SIL1: variants seen among roughly 807,000 people sequenced by gnomAD.
The protein encoded by SIL1 is nucleotide exchange factor SIL1.
SIL1 carries 40 observed loss-of-function variants against 49.1 expected under a neutral mutation model. That is an observed-to-expected ratio of 0.81 (90% CI 0.63 to 1.06). The LOEUF (loss-of-function observed/expected upper bound fraction) is 1.06, where lower values mean the gene tolerates loss of function less well. SIL1 is among the 50% of genes least tolerant of loss of function. SIL1 has a pLI of 0.00. For missense variants in SIL1, 500 were observed against 572.6 expected (o/e 0.87, Z 1.29); for synonymous variants, 253 against 250.8 (o/e 1.01, Z -0.08).
At chr5:139,062,032 G>A (rs1443675918) in intron 3 of SIL1, among the ~76,000 whole-genome samples, 1 of 152,188 alleles carries the variant, frequency 6.6e-6, no homozygotes, top group Non-Finnish European at 1.5e-5. Context: ...CAGTTGCCAT[G>A]ACTACTAAAG....
At position 138,987,530 on chromosome 5, in the gene SIL1, T is replaced by G. The variant is rs1581008654; in HGVS notation, c.767+33641A>C. Among the ~76,000 whole-genome samples, 4 of 152,366 alleles carry G rather than the reference T, an allele frequency of 2.6e-5. No homozygotes were observed. In the South Asian group the frequency reaches 8.3e-4, roughly 32 times the overall value. On this transcript the variant is annotated intron_variant, in intron 7 of 9. Coordinates refer to ENST00000394817, the MANE Select transcript of SIL1 (RefSeq NM_022464.5). ...ATAGGGCACCATATTCTTTTCAATG[T>G]GTAGGACCTCTAGAAGTTTTCAGCT...
chr5:139,191,935 C>T (rs1057491733), intron 1 of SIL1, among the ~76,000 whole-genome samples: 5 of 151,940 alleles, frequency 3.3e-5, no homozygotes, highest in East Asian at 1.9e-4. Flanking sequence ...ATTAGCCAGG[C>T]GTGGTGGCAG....
chr5:139,011,071 G>A (rs1442587323), intron 7 of SIL1, among the ~76,000 whole-genome samples: 151 of 150,774 alleles, frequency 1.0e-3, no homozygotes, highest in East Asian at 6.1e-3. Flanking sequence ...CCTCGCTGCC[G>A]CCTTGCAGTT....
At chr5:139,171,061 C>T (rs1354996765) in intron 1 of SIL1, among the ~76,000 whole-genome samples, 45 of 150,004 alleles carry the variant, frequency 3.0e-4, no homozygotes, top group Non-Finnish European at 5.4e-4. Flanking sequence ...CCAGCTGCCC[C>T]GTCCGGGAGG....
intron 7 of SIL1, among the ~76,000 whole-genome samples, chr5:138,980,066 G>A (rs536249435): frequency 2.6e-4 from 39 of 152,318 alleles, no homozygotes; most frequent in Admixed American, 4.6e-4. Flanking sequence ...CCCCAAAGGG[G>A]GCTCTAGGCT....
intron 3 of SIL1, among the ~76,000 whole-genome samples, chr5:139,109,237 A>G (rs6596463): frequency 0.36 from 55,435 of 152,038 alleles, 10,203 homozygotes; most frequent in Middle Eastern, 0.41. Context: ...AATGCTAACC[A>G]TCTTTAGGGA....
chr5:139,135,709 C>CAAAA (rs34039650), intron 1 of SIL1, among the ~76,000 whole-genome samples: 2 of 96,354 alleles, frequency 2.1e-5, no homozygotes, highest in Admixed American at 1.1e-4. Context: ...AACAAACTAG[C>CAAAA]AAAAAAAAAA....
intron 3 of SIL1, among the ~76,000 whole-genome samples, chr5:139,073,821 G>A (rs939343572): frequency 6.6e-6 from 1 of 151,806 alleles, no homozygotes; most frequent in South Asian, 2.1e-4. Context: ...AGCTACTTGG[G>A]AGGCTGGGGC....
At chr5:139,089,746 A>G (rs1353204142) in intron 3 of SIL1, among the ~76,000 whole-genome samples, 1 of 152,182 alleles carries the variant, frequency 6.6e-6, no homozygotes, top group African/African-American at 2.4e-5. Context: ...AAATATCCAA[A>G]ATGAGTAGAT....
chr5:139,113,232 C>T (rs897216159), intron 3 of SIL1, among the ~76,000 whole-genome samples: 1 of 151,996 alleles, frequency 6.6e-6, no homozygotes, highest in Non-Finnish European at 1.5e-5. Flanking sequence ...GACCTTCCCT[C>T]CACTATTGTC....
At chr5:139,147,495 T>C (rs921237546) in intron 1 of SIL1, among the ~76,000 whole-genome samples, 2 of 152,176 alleles carry the variant, frequency 1.3e-5, no homozygotes, top group African/African-American at 4.8e-5. Flanking sequence ...ACAATCAAAA[T>C]GGCCTCATCC....
intron 4 of SIL1, among the ~76,000 whole-genome samples, chr5:139,047,536 C>T (rs539155351): frequency 6.6e-6 from 1 of 152,382 alleles, no homozygotes; most frequent in African/African-American, 2.4e-5. Context: ...TGTGGGATCA[C>T]TAACTTCTTG....
intron 1 of SIL1, among the ~76,000 whole-genome samples, chr5:139,179,884 C>G (rs560493833): frequency 6.6e-6 from 1 of 151,694 alleles, no homozygotes; most frequent in East Asian, 1.9e-4. Flanking sequence ...CAGCAAGATC[C>G]CATCTCTACA....
At chr5:138,965,323 T>A (rs899970455) in intron 7 of SIL1, among the ~76,000 whole-genome samples, 1 of 152,184 alleles carries the variant, frequency 6.6e-6, no homozygotes, top group Non-Finnish European at 1.5e-5. Flanking sequence ...TCTTGCCTAC[T>A]GGGATATAAA....
intron 6 of SIL1, among the ~76,000 whole-genome samples, chr5:139,025,104 G>A (rs144275424): frequency 8.3e-4 from 127 of 152,326 alleles, no homozygotes; most frequent in Non-Finnish European, 1.6e-3. Context: ...CTGCTAGAAG[G>A]TTAAGCCCTA....
chr5:139,188,425 T>A (rs923194291), intron 1 of SIL1, among the ~76,000 whole-genome samples: 1 of 152,006 alleles, frequency 6.6e-6, no homozygotes, highest in Non-Finnish European at 1.5e-5. Flanking sequence ...AAATAGTGAG[T>A]TTTTTTTACC....
At chr5:138,999,778 A>T (rs1463745725) in intron 7 of SIL1, among the ~76,000 whole-genome samples, 1 of 152,164 alleles carries the variant, frequency 6.6e-6, no homozygotes, top group Non-Finnish European at 1.5e-5. Context: ...TCTAAGTAGA[A>T]GATCTGTTGT....
At chr5:139,103,068 C>T (rs1478952883) in intron 3 of SIL1, among the ~76,000 whole-genome samples, 2 of 152,122 alleles carry the variant, frequency 1.3e-5, no homozygotes, top group African/African-American at 4.8e-5. Context: ...GGTCTCCCAC[C>T]TCAAAATTCT....
At chr5:139,040,446 T>A (rs1030939713) in intron 5 of SIL1, among the ~76,000 whole-genome samples, 1 of 151,616 alleles carries the variant, frequency 6.6e-6, no homozygotes, top group Admixed American at 6.6e-5. Flanking sequence ...TGGGTGCTGA[T>A]ATTGGGATCC....
Sources: gnomAD v4.1 joint callset for allele counts (sites outside exome capture counted in the v4.1 genomes callset) on GRCh38, gnomAD v4.1.1 for gene constraint, MANE v1.5 for transcripts, NCBI Gene and HGNC (gene_info 2026-07-23, HGNC 2026-07-21) for gene names.